Variants in DACH2 observed in about 807,000 individuals in gnomAD.
The protein encoded by DACH2 is dachshund homolog 2.
A neutral mutation model predicts 35.8 loss-of-function variants in DACH2; 17 were observed. The ratio of observed to expected loss-of-function variants is 0.48; its 90% confidence interval spans 0.33 to 0.71. The LOEUF (loss-of-function observed/expected upper bound fraction) is 0.71, where lower values mean the gene tolerates loss of function less well. Among genes scored for constraint, DACH2 ranks in the 30% least tolerant of loss-of-function variants. DACH2 has a pLI of 0.02. For synonymous variants in DACH2, 195 were observed against 177.3 expected, an observed-to-expected ratio of 1.10 and a Z score of -0.79; for missense variants, 469 against 472.7, an observed-to-expected ratio of 0.99 and a Z score of 0.07.
chrX:86,654,085 C>T (rs1433928547), intron 4 of DACH2, among the ~76,000 whole-genome samples: 1 of 106,002 alleles, frequency 9.4e-6, no homozygotes, highest in African/African-American at 3.4e-5. Flanking sequence ...GATTGGCCTG[C>T]ACGGCAGTGG....
At chrX:86,197,945 G>C (rs1221248365) in intron 1 of DACH2, among the ~76,000 whole-genome samples, 1 of 111,712 alleles carries the variant, frequency 9.0e-6, no homozygotes, top group Non-Finnish European at 1.9e-5. Flanking sequence ...ACCACCCAAA[G>C]ACAACAGAAT....
At chrX:86,600,189 G>A (rs764268415) in intron 3 of DACH2, among the ~76,000 whole-genome samples, 9 of 111,699 alleles carry the variant, frequency 8.1e-5, no homozygotes, top group East Asian at 2.8e-4. Context: ...TATTCTCATC[G>A]AGATTTAGCA....
intron 3 of DACH2, among the ~76,000 whole-genome samples, chrX:86,546,357 C>CTCTTCTTCTTCTTCTTCTTCTTCT (rs1195943792): frequency 0.053 from 2,645 of 49,998 alleles, 196 homozygotes; most frequent in East Asian, 0.12. Flanking sequence ...CTTCTTCTTC[C>CTCTTCTTCTTCTTCTTCTTCTTCT]TCTTCTTCTT....
At chrX:86,273,356 C>A (rs1371278260) in intron 1 of DACH2, among the ~76,000 whole-genome samples, 1 of 111,445 alleles carries the variant, frequency 9.0e-6, no homozygotes, top group Non-Finnish European at 1.9e-5. Flanking sequence ...GGATGTCCAG[C>A]CAGTTTTCTT....
chrX:86,717,747 A>AATAT (rs3071844), intron 6 of DACH2, among the ~76,000 whole-genome samples: 46,469 of 98,203 alleles, frequency 0.47, 8,875 homozygotes, highest in Admixed American at 0.62. Context: ...TATTATATAT[A>AATAT]ATATATATAT....
chrX:86,306,921 C>A (rs955835813), intron 1 of DACH2, among the ~76,000 whole-genome samples: 3 of 111,334 alleles, frequency 2.7e-5, no homozygotes, highest in Non-Finnish European at 5.6e-5. Flanking sequence ...CTGAAGTTGG[C>A]TGCTTAATAT....
At chrX:86,161,716 A>C (rs897127719) in intron 1 of DACH2, among the ~76,000 whole-genome samples, 2 of 112,275 alleles carry the variant, frequency 1.8e-5, no homozygotes, top group African/African-American at 6.5e-5. Context: ...CTCTAAAGAG[A>C]GTAGTAACTG....
intron 2 of DACH2, among the ~76,000 whole-genome samples, chrX:86,377,942 C>G (rs111445137): frequency 1.7e-4 from 19 of 110,531 alleles, no homozygotes; most frequent in African/African-American, 5.9e-4. Context: ...GCCAAACTTT[C>G]TATTAGACAA....
At chrX:86,505,762 TA>T (rs1002763469) in intron 2 of DACH2, among the ~76,000 whole-genome samples, 1 of 111,989 alleles carries the variant, frequency 8.9e-6, no homozygotes, top group African/African-American at 3.2e-5. Context: ...CAATTTTCCA[TA>T]GGACCAATCC....
At chrX:86,595,091 A>G (rs1171755227) in intron 3 of DACH2, among the ~76,000 whole-genome samples, 2 of 109,691 alleles carry the variant, frequency 1.8e-5, no homozygotes, top group African/African-American at 6.6e-5. Flanking sequence ...TGATATAGCT[A>G]CTCCAGCTTG....
chrX:86,658,305 A>C (rs2148412727), intron 4 of DACH2, among the ~76,000 whole-genome samples: 1 of 111,895 alleles, frequency 8.9e-6, no homozygotes, highest in East Asian at 2.8e-4. Flanking sequence ...GGGAGTTCTT[A>C]CATCTTCTAT....
At chrX:86,720,569 C>T (rs1484612183) in intron 6 of DACH2, among the ~76,000 whole-genome samples, 2 of 112,364 alleles carry the variant, frequency 1.8e-5, no homozygotes, top group Non-Finnish European at 3.8e-5. Context: ...CCTCCCATGG[C>T]CTTGGGAAGC....
At chrX:86,644,910 T>G (rs1167222899) in intron 3 of DACH2, among the ~76,000 whole-genome samples, 1 of 109,999 alleles carries the variant, frequency 9.1e-6, no homozygotes, top group Non-Finnish European at 1.9e-5. Flanking sequence ...TATACAAAAA[T>G]TAACTCAATA....
intron 1 of DACH2, among the ~76,000 whole-genome samples, chrX:86,243,812 A>T (rs997507134): frequency 8.9e-6 from 1 of 111,929 alleles, no homozygotes; most frequent in African/African-American, 3.2e-5. Context: ...AGACTATTCA[A>T]TCAGGTCACA....
At chrX:86,208,030 A>G (rs2032357342) in intron 1 of DACH2, among the ~76,000 whole-genome samples, 1 of 110,815 alleles carries the variant, frequency 9.0e-6, no homozygotes, top group South Asian at 3.8e-4. Context: ...AAAAGCAGAA[A>G]CACAACCCAT....
intron 3 of DACH2, among the ~76,000 whole-genome samples, chrX:86,628,359 TTAAGA>T (rs1167753726): frequency 8.9e-6 from 1 of 112,045 alleles, no homozygotes; most frequent in African/African-American, 3.2e-5. Flanking sequence ...ACATTGATTC[TTAAGA>T]TAAAGTGACT....
At chrX:86,425,146 T>C (rs2036871240) in intron 2 of DACH2, among the ~76,000 whole-genome samples, 1 of 110,871 alleles carries the variant, frequency 9.0e-6, no homozygotes. Context: ...TTTTTTTGTG[T>C]GTGTGTCTTT....
chrX:86,203,554 A>G (rs901600361), intron 1 of DACH2, among the ~76,000 whole-genome samples: 2 of 112,044 alleles, frequency 1.8e-5, no homozygotes, highest in Non-Finnish European at 3.8e-5. Context: ...TGTGGATAAT[A>G]GCTAAGATAT....
At chrX:86,393,316 T>C (rs1305148726) in intron 2 of DACH2, among the ~76,000 whole-genome samples, 2 of 111,647 alleles carry the variant, frequency 1.8e-5, no homozygotes, top group African/African-American at 6.5e-5. Flanking sequence ...TACTCATCAT[T>C]CTATATATGC....
Sources: allele counts gnomAD v4.1 joint callset (sites outside exome capture counted in the v4.1 genomes callset), GRCh38; gene constraint gnomAD v4.1.1; transcripts MANE v1.5; gene names NCBI Gene and HGNC (gene_info 2026-07-23, HGNC 2026-07-21).